The following TFDP2 variants were observed in gnomAD, a reference collection of about 807,000 sequenced individuals.
TFDP2 encodes the protein transcription factor Dp-2, also known as transcription factor Dp-2 (E2F dimerization partner 2).
Under a neutral mutation model 59.3 loss-of-function variants are expected in TFDP2, and 17 were observed. The observed-to-expected ratio is 0.29, with a 90% CI of 0.20 to 0.43. The LOEUF is 0.43. Among genes scored for constraint, TFDP2 ranks in the 20% least tolerant of loss-of-function variants. The pLI is 1.00. For missense variants in TFDP2, 391 were observed against 528.8 expected (o/e 0.74, Z 2.56); for synonymous variants, 180 against 194.7 (o/e 0.92, Z 0.63).
Position 141,951,529 on chromosome 3 carries a change from CTT to C in TFDP2, c.*982_*983del, listed in dbSNP as rs1935939573. The C allele has an allele frequency of 6.6e-6, 1 of 152,614 alleles. No individual in the cohort carries two copies. Among genetic ancestry groups the C allele is most frequent in the African/African-American group, 2.4e-5 (1 of 41,456 alleles). The allele number at this position is 152,614 out of a possible 1,614,324, so 9.5% of individuals were successfully genotyped here. On this transcript the variant is annotated 3_prime_UTR_variant, in exon 13 of 13. Transcript: ENST00000489671. ...CTGCTGTTCATATTCTTGAAATAGA[CTT>C]TTCTTTAAGACAAAAGTAATGACAT...
At position 141,948,218 on chromosome 3, in the gene TFDP2, A is replaced by C. The variant is rs1559892561; in HGVS notation, c.*4295T>G. 6.6e-6 allele frequency: 1 copy of C among 152,184 alleles called. No homozygotes were observed. Among genetic ancestry groups the C allele is most frequent in the Non-Finnish European group, 1.5e-5 (1 of 68,068 alleles). 9.4% of individuals were successfully genotyped at this position (152,184 alleles called of 1,614,324 possible). On this transcript the variant is annotated 3_prime_UTR_variant, in exon 13 of 13. Transcript: ENST00000489671. ...TAGGGGAGGGAGCTTGATAGATATTAAAGGGCCCTTGAAAGGAAATAATTT... is the reference window on the plus strand; with the variant it reads ...TAGGGGAGGGAGCTTGATAGATATTCAAGGGCCCTTGAAAGGAAATAATTT...
intron 3 of TFDP2, among the ~76,000 whole-genome samples, chr3:142,062,276 G>A (rs573607537): frequency 6.6e-6 from 1 of 151,986 alleles, no homozygotes; most frequent in East Asian, 1.9e-4. Context: ...TTGGCCAACA[G>A]TGAGCTATCA....
chr3:141,973,131 T>TC (rs1940090425), intron 8 of TFDP2, among the ~76,000 whole-genome samples: 1 of 127,886 alleles, frequency 7.8e-6, no homozygotes, highest in Non-Finnish European at 1.7e-5. Flanking sequence ...ATATTTTTTT[T>TC]TTTTAAAGAT....
At chr3:142,008,017 G>A (rs956599445) in intron 3 of TFDP2, among the ~76,000 whole-genome samples, 4 of 152,116 alleles carry the variant, frequency 2.6e-5, no homozygotes, top group Non-Finnish European at 5.9e-5. Flanking sequence ...GCTGGCACTC[G>A]TTTAATTTGC....
intron 9 of TFDP2, among the ~76,000 whole-genome samples, chr3:141,968,584 T>A (rs1448224234): frequency 9.8e-6 from 1 of 102,246 alleles, no homozygotes; most frequent in African/African-American, 4.3e-5. Flanking sequence ...CATATATATC[T>A]CATATATAGA....
intron 1 of TFDP2, among the ~76,000 whole-genome samples, chr3:142,125,814 A>C (rs1299182835): frequency 6.6e-6 from 1 of 152,206 alleles, no homozygotes; most frequent in Admixed American, 6.5e-5. Flanking sequence ...ATTCTTACAA[A>C]ATAGTAGGAT....
intron 9 of TFDP2, among the ~76,000 whole-genome samples, chr3:141,965,169 A>C (rs1338786945): frequency 6.7e-6 from 1 of 150,012 alleles, no homozygotes; most frequent in Non-Finnish European, 1.5e-5. Flanking sequence ...TCTGCTCAAG[A>C]AACAGATAAC....
intron 1 of TFDP2, among the ~76,000 whole-genome samples, chr3:142,102,599 G>T (rs773465034): frequency 6.6e-6 from 1 of 152,026 alleles, no homozygotes; most frequent in Admixed American, 6.6e-5. Context: ...GTGAAAAATA[G>T]GATATTTCCA....
intron 4 of TFDP2, among the ~76,000 whole-genome samples, chr3:141,995,883 CAAAAAAAAAAAAAAA>C (rs146557075): frequency 1.5e-5 from 1 of 67,920 alleles, no homozygotes; most frequent in African/African-American, 5.1e-5. Flanking sequence ...AACTCCATTT[CAAAAAAAAAAAAAAA>C]AAAAAAAAAG....
chr3:141,974,907 C>CTTCT (rs1553762313), intron 7 of TFDP2, among the ~76,000 whole-genome samples: 2 of 90,500 alleles, frequency 2.2e-5, no homozygotes, highest in African/African-American at 9.2e-5. Context: ...TCTTCTTCTT[C>CTTCT]TTTTTTTTTT....
intron 3 of TFDP2, among the ~76,000 whole-genome samples, chr3:142,088,534 C>T (rs2060884833): frequency 6.6e-6 from 1 of 151,334 alleles, no homozygotes; most frequent in Non-Finnish European, 1.5e-5. Context: ...TTTCATCATG[C>T]TGCCTAGGCT....
At chr3:141,999,583 A>G (rs1943578883) in intron 4 of TFDP2, among the ~76,000 whole-genome samples, 1 of 152,186 alleles carries the variant, frequency 6.6e-6, no homozygotes, top group Non-Finnish European at 1.5e-5. Flanking sequence ...GTACTGCTAA[A>G]CTAGTTTCCA....
chr3:141,986,673 C>A (rs557638835), intron 6 of TFDP2, among the ~76,000 whole-genome samples: 1 of 152,168 alleles, frequency 6.6e-6, no homozygotes, highest in Non-Finnish European at 1.5e-5. Context: ...ACACAAGGAA[C>A]AGAATTGATG....
In TFDP2 at chr3:141,963,798, A is replaced by T; in HGVS notation, c.884+14T>A. ...GAAGGCCAGCCCTGCACCCATCCCT[A>T]GTTCTCCACTCACTTGTCACTGGAG... On this transcript the variant is annotated intron_variant, in intron 10 of 12. Coordinates refer to ENST00000489671, the MANE Select transcript of TFDP2 (RefSeq NM_001178139.2). 6.2e-7 allele frequency: 1 copy of T among 1,608,818 alleles called. No homozygotes were observed. Among genetic ancestry groups the T allele is most frequent in the Non-Finnish European group, 8.5e-7 (1 of 1,178,026 alleles).
At chr3:141,953,159 C>T (rs372728598) in intron 11 of TFDP2, 143 bp from the exon 12 acceptor site, 59 of 507,856 alleles carry the variant, frequency 1.2e-4, no homozygotes, top group African/African-American at 1.1e-3. Flanking sequence ...TGACAAGAAC[C>T]CAGGTTTCTT....
intron 1 of TFDP2, among the ~76,000 whole-genome samples, chr3:142,109,164 A>G (rs927111349): frequency 2.0e-5 from 3 of 152,210 alleles, no homozygotes; most frequent in Non-Finnish European, 4.4e-5. Flanking sequence ...TGCCTGGCAT[A>G]TGGTTGAAGC....
At chr3:142,038,670 C>A (rs1246345435) in intron 3 of TFDP2, among the ~76,000 whole-genome samples, 1 of 152,004 alleles carries the variant, frequency 6.6e-6, no homozygotes, top group Non-Finnish European at 1.5e-5. Flanking sequence ...ATCTAGAATT[C>A]AATCATCCAA....
At position 141,945,480 on chromosome 3, in the gene TFDP2, G is replaced by A. The variant is rs559859696; in HGVS notation, c.*7033C>T. The A allele has an allele frequency of 2.4e-4, 37 of 152,432 alleles. No homozygotes were observed. Among genetic ancestry groups the A allele is most frequent in the African/African-American group, 7.2e-4 (30 of 41,572 alleles). The allele number at this position is 152,432 out of a possible 1,614,324, so 9.4% of individuals were successfully genotyped here. ...AGAGTGATGGTGGTGAACCAAGTGCGTGAAGGAACTCAGTACTGAAACGTG... is the reference window on the plus strand; with the variant it reads ...AGAGTGATGGTGGTGAACCAAGTGCATGAAGGAACTCAGTACTGAAACGTG... On this transcript the variant is annotated 3_prime_UTR_variant, in exon 13 of 13. Coordinates refer to ENST00000489671, the MANE Select transcript of TFDP2 (RefSeq NM_001178139.2).
At chr3:142,098,504 C>G (rs768285216) in intron 2 of TFDP2, among the ~76,000 whole-genome samples, 1 of 151,956 alleles carries the variant, frequency 6.6e-6, no homozygotes, top group Non-Finnish European at 1.5e-5. Context: ...CTTAGAGGCT[C>G]AAAGTGGGCT....
Sources: gnomAD v4.1 joint callset for allele counts (sites outside exome capture counted in the v4.1 genomes callset) on GRCh38, gnomAD v4.1.1 for gene constraint, MANE v1.5 for transcripts, NCBI Gene and HGNC (gene_info 2026-07-23, HGNC 2026-07-21) for gene names.